Variants in AGO4 observed in about 807,000 individuals in gnomAD.
The protein encoded by AGO4 is protein argonaute-4.
In AGO4, 33 loss-of-function variants were observed where a neutral mutation model predicts 104.7. The ratio of observed to expected loss-of-function variants is 0.32; its 90% confidence interval spans 0.24 to 0.42. The LOEUF (loss-of-function observed/expected upper bound fraction) is 0.42. AGO4 is among the 10% of genes least tolerant of loss of function. The probability of loss-of-function intolerance (pLI) is 1.00; values close to 1 mark genes in which losing one functional copy is unlikely to be tolerated. For synonymous variants in AGO4, 331 were observed against 364.7 expected, an observed-to-expected ratio of 0.91 and a Z score of 1.05; for missense variants, 711 against 1,083.4, an observed-to-expected ratio of 0.66 and a Z score of 4.83.
At chr1:35,825,647 A>C in intron 4 of AGO4, 32 bp from the exon 5 acceptor site, 1 of 1,529,658 alleles carries the variant, frequency 6.5e-7, no homozygotes, top group Non-Finnish European at 8.8e-7. Context: ...TCACATGTTT[A>C]ATGTGACACA....
rs975298921 is a variant in AGO4, at chr1:35,855,120, T to C, written c.*1515T>C. On this transcript the variant is annotated 3_prime_UTR_variant, in exon 18 of 18. Transcript: ENST00000373210. ...AGTGTCTTGGTAGCACCAGCCAGTGTTTCCCAGCCCAGAGTTTACTGACTT... is the reference window on the plus strand; with the variant it reads ...AGTGTCTTGGTAGCACCAGCCAGTGCTTCCCAGCCCAGAGTTTACTGACTT... The C allele has an allele frequency of 3.3e-5, 5 of 152,556 alleles. No homozygotes were observed. Among genetic ancestry groups the C allele is most frequent in the Admixed American group, 6.5e-5 (1 of 15,288 alleles). The allele number at this position is 152,556 out of a possible 1,614,324, so 9.5% of individuals were successfully genotyped here. A position where few individuals can be genotyped will look rare whatever the true frequency, so the allele number is the denominator to read the frequency against.
intron 13 of AGO4, among the ~76,000 whole-genome samples, chr1:35,839,927 A>G (rs6664043): frequency 6.7e-6 from 1 of 150,260 alleles, no homozygotes; most frequent in South Asian, 2.1e-4. Flanking sequence ...AGATCATGCC[A>G]TTGCACTCTA....
chr1:35,827,059 G>A lies in AGO4; in HGVS notation c.848+224G>A, dbSNP rs571757089. ...TACTAAAAATACAAGAAAACTAGCT[G>A]GGCGTGGTGGCGGGTACCTGTAACA... On this transcript the variant is annotated intron_variant, in intron 7 of 17. Coordinates refer to ENST00000373210, the MANE Select transcript of AGO4 (RefSeq NM_017629.4). 2.0e-5 allele frequency among the ~76,000 whole-genome samples: 3 copies of A among 151,956 alleles called. No individual in the cohort carries two copies. In the East Asian group the frequency reaches 5.8e-4, roughly 29 times the overall value.
At chr1:35,839,264 T>C (rs1644384250) in intron 13 of AGO4, among the ~76,000 whole-genome samples, 1 of 152,192 alleles carries the variant, frequency 6.6e-6, no homozygotes, top group South Asian at 2.1e-4. Flanking sequence ...TTTTTGTCCT[T>C]GGATGAAACT....
At chr1:35,828,982 A>T (rs575522010) in intron 7 of AGO4, among the ~76,000 whole-genome samples, 1 of 152,066 alleles carries the variant, frequency 6.6e-6, no homozygotes, top group Non-Finnish European at 1.5e-5. Flanking sequence ...AATATACAGT[A>T]TACACTTTAC....
intron 12 of AGO4, among the ~76,000 whole-genome samples, chr1:35,835,347 G>A (rs1644286686): frequency 6.6e-6 from 1 of 152,198 alleles, no homozygotes; most frequent in Admixed American, 6.5e-5. Context: ...GTGAGCCACT[G>A]TGGCTGGCCC....
chr1:35,821,672 G>T (rs529586283), intron 2 of AGO4, among the ~76,000 whole-genome samples: 1 of 152,122 alleles, frequency 6.6e-6, no homozygotes, highest in East Asian at 1.9e-4. Context: ...TTTGGAAAGA[G>T]AATATTTTAC....
chr1:35,808,524 G>T lies in AGO4; in HGVS notation c.19+89G>T, dbSNP rs1490766558. On this transcript the variant is annotated intron_variant, in intron 1 of 17. Transcript: ENST00000373210. The surrounding 1 kb of genome is among the most constrained non-coding windows in gnomAD (Gnocchi z 5.2). ...CTTTCGCTGCCCCGTCGCCTCGCCG[G>T]GTTCGGGCCGCCAGGCCTCGGGGAA... 5.4e-6 allele frequency: 6 copies of T among 1,119,462 alleles called. No individual in the cohort carries two copies. The East Asian group carries it at 1.6e-4, about 29-fold the overall frequency. The allele number at this position is 1,119,462 out of a possible 1,614,324, so 69.3% of individuals were successfully genotyped here.
At chr1:35,850,371 GTATCCTAGAAT>G in intron 16 of AGO4, 113 bp downstream of exon 16, 4 of 835,364 alleles carry the variant, frequency 4.8e-6, no homozygotes, top group Non-Finnish European at 8.3e-6. Context: ...GTTAATGCTT[GTATCCTAGAAT>G]TATCTTTTGG....
intron 15 of AGO4, among the ~76,000 whole-genome samples, chr1:35,842,040 T>A (rs1320316319): frequency 6.6e-6 from 1 of 152,124 alleles, no homozygotes; most frequent in Non-Finnish European, 1.5e-5. Context: ...TACATTGTGA[T>A]GATATAGGCA....
intron 11 of AGO4, 151 bp from the exon 12 acceptor site, chr1:35,833,839 G>T: frequency 4.7e-6 from 3 of 639,384 alleles, no homozygotes; most frequent in South Asian, 5.8e-5. Flanking sequence ...TCCATTTTTG[G>T]CAACCAGTTA....
intron 1 of AGO4, among the ~76,000 whole-genome samples, chr1:35,812,350 C>G (rs1015488676): frequency 3.3e-5 from 5 of 152,150 alleles, no homozygotes; most frequent in Admixed American, 3.3e-4. Flanking sequence ...TTACTTTTTG[C>G]CACTTCTTAA....
Position 35,841,170 on chromosome 1 carries a change from C to T in AGO4, c.1730C>T (p.Ser577Leu), listed in dbSNP as rs751364147. Residue 577 changes from serine (S) to leucine (L), a missense_variant, in exon 14 of 18, where the codon TCG becomes TTG. Coordinates refer to ENST00000373210, the MANE Select transcript of AGO4 (RefSeq NM_017629.4). This position sits in a 1 kb window ranked among gnomAD's most constrained non-coding sequence, Gnocchi z 4.7. ...ATCTCCTTAAATCTGAGCAGGCCCT[C>T]GGTGTTCCAGCAGCCTGTCATCTTC... ...NNVLVPHQRP[S>L]VFQQPVIFLG... 37 of 1,609,026 alleles carry T rather than the reference C, an allele frequency of 2.3e-5. No homozygotes were observed. Among genetic ancestry groups the T allele is most frequent in the Non-Finnish European group, 3.1e-5 (36 of 1,175,718 alleles).
chr1:35,825,821 A>G lies in AGO4; in HGVS notation c.625+6A>G. The stretch of plus-strand genomic sequence containing the variant: ...TATGATGCTCAACATTGATGGTAGG[A>G]TGGAACTCTCTTTATCCAATAACTC... On this transcript the variant is annotated splice_donor_region_variant and intron_variant, in intron 5 of 17. Coordinates refer to ENST00000373210, the MANE Select transcript of AGO4 (RefSeq NM_017629.4). 6.3e-7 allele frequency: 1 copy of G among 1,584,934 alleles called. No homozygotes were observed. Among genetic ancestry groups the G allele is most frequent in the Non-Finnish European group, 8.6e-7 (1 of 1,167,326 alleles).
chr1:35,850,277 C>A lies in AGO4; in HGVS notation c.2277+19C>A. On this transcript the variant is annotated intron_variant, in intron 16 of 17. Transcript: ENST00000373210. ...AATTCAGGTAATTTGGAAGCTGGTT[C>A]AGATCTTTGACTTGATAGGGAGATG... is the stretch of plus-strand genomic sequence containing the variant. 1 of 1,588,522 alleles carries A rather than the reference C, an allele frequency of 6.3e-7. No individual in the cohort carries two copies. Among genetic ancestry groups the A allele is most frequent in the South Asian group, 1.1e-5 (1 of 90,498 alleles).
rs1553144551 is a variant in AGO4, at chr1:35,818,658, A to AAGGAAGGAAGGAAGG, written c.185+1612_185+1613insGGAAGGAAGGAAGGA. On this transcript the variant is annotated intron_variant, in intron 2 of 17. Coordinates refer to ENST00000373210, the MANE Select transcript of AGO4 (RefSeq NM_017629.4). ...GAAAGAAAGAAAGAAAGAAAGAAAG[A>AAGGAAGGAAGGAAGG]AAGGAAGAAAGGAAGGAAGGAAGGA... Among the ~76,000 whole-genome samples the AAGGAAGGAAGGAAGG allele has an allele frequency of 9.3e-4, 57 of 61,540 alleles. 1 individual carries two copies. Among genetic ancestry groups the AAGGAAGGAAGGAAGG allele is most frequent in the African/African-American group, 2.8e-3 (49 of 17,550 alleles). 40.4% of individuals were successfully genotyped at this position (61,540 alleles called of 152,430 possible).
Position 35,841,104 on chromosome 1 carries a change from G to A in AGO4, c.1725-61G>A. On this transcript the variant is annotated intron_variant, in intron 13 of 17. Transcript: ENST00000373210. The surrounding 1 kb of genome is among the most constrained non-coding windows in gnomAD (Gnocchi z 4.7). ...TGATTATATCTGGTGATATAATCTT[G>A]CTAAACTCAAACATTTTCACTTATA... The A allele has an allele frequency of 1.3e-6, 2 of 1,537,952 alleles. No homozygotes were observed. Among genetic ancestry groups the A allele is most frequent in the Non-Finnish European group, 8.9e-7 (1 of 1,124,792 alleles).
intron 15 of AGO4, among the ~76,000 whole-genome samples, chr1:35,848,502 C>T (rs1276034091): frequency 1.3e-5 from 2 of 152,172 alleles, no homozygotes; most frequent in Non-Finnish European, 2.9e-5. Flanking sequence ...ATGCCCCTGG[C>T]TGTCATCCCC....
At chr1:35,826,172 CA>C (rs1447926469) in intron 6 of AGO4, 112 bp downstream of exon 6, 53 of 1,352,514 alleles carry the variant, frequency 3.9e-5, no homozygotes, top group Admixed American at 6.7e-5. Context: ...CCACTTCTAT[CA>C]ATGGGACCTT....
Sources: gnomAD v4.1 joint callset for allele counts (sites outside exome capture counted in the v4.1 genomes callset) on GRCh38, gnomAD v4.1.1 for gene constraint, Gnocchi (gnomAD v3.1) non-coding constraint, MANE v1.5 for transcripts, NCBI Gene and HGNC (gene_info 2026-07-23, HGNC 2026-07-21) for gene names.